PLEKHA8: variants seen among roughly 807,000 people sequenced by gnomAD.
The protein encoded by PLEKHA8 is pleckstrin homology domain containing A8.
In PLEKHA8, 36 loss-of-function variants were observed where a neutral mutation model predicts 68.2. The ratio of observed to expected loss-of-function variants is 0.53; its 90% confidence interval spans 0.40 to 0.70. The LOEUF (loss-of-function observed/expected upper bound fraction) is 0.70. Ranked by LOEUF, PLEKHA8 falls within the 30% of genes least tolerant of loss-of-function variation. The pLI is 0.00. For synonymous variants in PLEKHA8, 211 were observed against 216.1 expected (o/e 0.98, Z 0.20); for missense variants, 505 against 615.4 (o/e 0.82, Z 1.90).
intron 13 of PLEKHA8, among the ~76,000 whole-genome samples, chr7:30,128,272 A>T (rs991672865): frequency 1.3e-5 from 2 of 151,922 alleles, no homozygotes; most frequent in Non-Finnish European, 2.9e-5. Context: ...ATGCCCAGCT[A>T]ATTTTTTATT....
intron 13 of PLEKHA8, among the ~76,000 whole-genome samples, chr7:30,076,768 T>G (rs1213294913): frequency 6.6e-6 from 1 of 152,226 alleles, no homozygotes; most frequent in Non-Finnish European, 1.5e-5. Flanking sequence ...CTTTTCACCC[T>G]ATTACTCTCC....
intron 13 of PLEKHA8, chr7:30,115,847 T>G (rs529864073): frequency 6.8e-6 from 1 of 146,024 alleles, no homozygotes; most frequent in Non-Finnish European, 1.5e-5. Flanking sequence ...TGTATACACG[T>G]ATGCATACAT....
At chr7:30,111,482 T>C (rs1796273536) in intron 13 of PLEKHA8, among the ~76,000 whole-genome samples, 2 of 152,146 alleles carry the variant, frequency 1.3e-5, no homozygotes, top group Admixed American at 6.6e-5. Flanking sequence ...TCACTTTTGG[T>C]TTTGGGATTT....
intron 13 of PLEKHA8, among the ~76,000 whole-genome samples, chr7:30,124,719 A>G (rs931660159): frequency 2.6e-5 from 4 of 152,164 alleles, no homozygotes; most frequent in African/African-American, 9.7e-5. Context: ...TTAAAAAGAA[A>G]AAGTACAAAA....
chr7:30,050,416 T>C lies in PLEKHA8; in HGVS notation c.598-18T>C, dbSNP rs1302931731. 1.3e-6 allele frequency: 2 copies of C among 1,568,718 alleles called. No individual in the cohort carries two copies. Among genetic ancestry groups the C allele is most frequent in the African/African-American group, 2.7e-5 (2 of 73,132 alleles). ...AAAGTTTAACATGTGAACTTTCCTT[T>C]CTTTGCTTCTTTTAAAGATGAAACA... is the stretch of plus-strand genomic sequence containing the variant. On this transcript the variant is annotated intron_variant, in intron 5 of 13. Coordinates refer to ENST00000449726, the MANE Select transcript of PLEKHA8 (RefSeq NM_001197026.2).
intron 1 of PLEKHA8, among the ~76,000 whole-genome samples, chr7:30,041,660 G>A (rs540672683): frequency 6.6e-6 from 1 of 152,076 alleles, no homozygotes; most frequent in Non-Finnish European, 1.5e-5. Context: ...CTCCTAAAGT[G>A]CTGGGATTAC....
intron 3 of PLEKHA8, among the ~76,000 whole-genome samples, chr7:30,047,244 A>T (rs949629145): frequency 1.3e-5 from 2 of 152,178 alleles, no homozygotes; most frequent in African/African-American, 4.8e-5. Context: ...AGGAAACAGA[A>T]AAGTGATAAT....
exon 13 of PLEKHA8, chr7:30,090,415 C>CCTG: frequency 2.1e-6 from 1 of 469,750 alleles, no homozygotes; most frequent in Non-Finnish European, 3.8e-6. Context: ...CAGGTAAGAA[C>CCTG]TCAGAACATA....
intron 13 of PLEKHA8, among the ~76,000 whole-genome samples, chr7:30,078,067 T>C (rs10235003): frequency 0.28 from 42,959 of 152,016 alleles, 6,592 homozygotes; most frequent in African/African-American, 0.4. Flanking sequence ...AAGCAAACAA[T>C]AAATGTTAGC....
At chr7:30,116,950 G>A (rs988841693) in intron 13 of PLEKHA8, among the ~76,000 whole-genome samples, 4 of 152,192 alleles carry the variant, frequency 2.6e-5, no homozygotes, top group East Asian at 1.9e-4. Flanking sequence ...TCCCCTGCCC[G>A]CCTTCCAAAA....
intron 8 of PLEKHA8, 106 bp downstream of exon 8, chr7:30,054,971 G>C (rs1209548913): frequency 9.5e-6 from 11 of 1,153,816 alleles, no homozygotes; most frequent in Non-Finnish European, 1.4e-5. Context: ...GGAGAATAGA[G>C]AATGTGGTAT....
chr7:30,028,702 C>A lies in PLEKHA8; in HGVS notation c.-61C>A. ...ATGGCCCTGCTGCTGGTGCTCCTCG[C>A]CTCTTGGGGCCTGGGGCAGTGAGGG... On this transcript the variant is annotated 5_prime_UTR_variant, in exon 1 of 14. Coordinates refer to ENST00000449726, the MANE Select transcript of PLEKHA8 (RefSeq NM_001197026.2). The A allele has an allele frequency of 8.4e-7, 1 of 1,191,986 alleles. No individual in the cohort carries two copies. The highest frequency in any genetic ancestry group is 1.1e-6 in the Non-Finnish European group (1 of 940,722). The allele number at this position is 1,191,986 out of a possible 1,614,324, so 73.8% of individuals were successfully genotyped here. A position where few individuals can be genotyped will look rare whatever the true frequency, so the allele number is the denominator to read the frequency against.
At chr7:30,070,136 T>G (rs1794137718) in intron 12 of PLEKHA8, among the ~76,000 whole-genome samples, 1 of 152,142 alleles carries the variant, frequency 6.6e-6, no homozygotes, top group Non-Finnish European at 1.5e-5. Flanking sequence ...GAAGTGTTTT[T>G]TTTTTTTTAT....
At chr7:30,058,963 T>C (rs1307349223) in intron 9 of PLEKHA8, among the ~76,000 whole-genome samples, 2 of 152,104 alleles carry the variant, frequency 1.3e-5, no homozygotes, top group Non-Finnish European at 2.9e-5. Flanking sequence ...CCTGTCTCTA[T>C]GAAAAAAATT....
chr7:30,101,180 GA>G (rs374275819), intron 13 of PLEKHA8, among the ~76,000 whole-genome samples: 297 of 140,896 alleles, frequency 2.1e-3, no homozygotes, highest in Middle Eastern at 7.1e-3. Flanking sequence ...AGACTTGGGG[GA>G]AAAAAAAAAA....
chr7:30,129,437 T>C lies in PLEKHA8; in HGVS notation c.*166T>C, dbSNP rs549648848. ...ACTGCCCACCTCCAGATCTCATTCA[T>C]GTGAAACAAAGAGAAACTTTATCTT... is the stretch of plus-strand genomic sequence containing the variant. On this transcript the variant is annotated 3_prime_UTR_variant, in exon 14 of 14. Transcript: ENST00000396257. 6.7e-6 allele frequency: 7 copies of C among 1,049,530 alleles called. No individual in the cohort carries two copies. The Admixed American group carries it at 1.6e-4, about 25-fold the overall frequency. 65.0% of individuals were successfully genotyped at this position (1,049,530 alleles called of 1,614,324 possible). A position where few individuals can be genotyped will look rare whatever the true frequency, so the allele number is the denominator to read the frequency against.
intron 1 of PLEKHA8, among the ~76,000 whole-genome samples, chr7:30,029,079 G>A (rs1562845347): frequency 1.3e-5 from 2 of 152,224 alleles, no homozygotes; most frequent in South Asian, 2.1e-4. Context: ...AAGGCACGGT[G>A]CTCTTGATGT....
At chr7:30,106,338 A>T (rs560414430) in intron 13 of PLEKHA8, among the ~76,000 whole-genome samples, 17 of 152,340 alleles carry the variant, frequency 1.1e-4, no homozygotes, top group African/African-American at 4.1e-4. Context: ...TGCTCGGATT[A>T]TAGACATGAG....
At chr7:30,110,050 C>G (rs1011732847) in intron 13 of PLEKHA8, among the ~76,000 whole-genome samples, 46 of 151,964 alleles carry the variant, frequency 3.0e-4, no homozygotes, top group African/African-American at 1.1e-3. Flanking sequence ...TAAAATTTAC[C>G]CACTTAGCAT....
Sources: allele counts gnomAD v4.1 joint callset (sites outside exome capture counted in the v4.1 genomes callset), GRCh38; gene constraint gnomAD v4.1.1; transcripts MANE v1.5; gene names NCBI Gene and HGNC (gene_info 2026-07-23, HGNC 2026-07-21).